C10orf90: variants seen among roughly 807,000 people sequenced by gnomAD.
C10orf90 encodes the protein chromosome 10 open reading frame 90, also known as (E2-independent) E3 ubiquitin-conjugating enzyme FATS.
Under a neutral mutation model 62.5 loss-of-function variants are expected in C10orf90, and 56 were observed. The ratio of observed to expected loss-of-function variants is 0.90; its 90% confidence interval spans 0.72 to 1.12. The LOEUF (loss-of-function observed/expected upper bound fraction) is 1.12. Among genes scored for constraint, C10orf90 ranks in the 50% most tolerant of loss-of-function variants. The pLI, the probability that C10orf90 is intolerant of heterozygous loss-of-function variation, is 0.00. For synonymous variants in C10orf90, 386 were observed against 340.4 expected (o/e 1.13, Z -1.47); for missense variants, 970 against 880.4 (o/e 1.10, Z -1.29).
intron 4 of C10orf90, among the ~76,000 whole-genome samples, chr10:126,495,235 G>C (rs1198330423): frequency 6.6e-6 from 1 of 152,316 alleles, no homozygotes; most frequent in East Asian, 1.9e-4. Context: ...TTGGATGAGT[G>C]TGTTTTGGTT....
chr10:126,660,657 T>C (rs764315184), intron 1 of C10orf90, among the ~76,000 whole-genome samples: 35 of 152,236 alleles, frequency 2.3e-4, no homozygotes, highest in South Asian at 1.0e-3. Flanking sequence ...CCATCTAACC[T>C]ACACCAGGAC....
intron 4 of C10orf90, among the ~76,000 whole-genome samples, chr10:126,498,691 C>T (rs1862214070): frequency 6.6e-6 from 1 of 152,222 alleles, no homozygotes; most frequent in African/African-American, 2.4e-5. Context: ...GCGATCCACC[C>T]TATAGGAATT....
intron 2 of C10orf90, among the ~76,000 whole-genome samples, chr10:126,586,989 C>G (rs117243487): frequency 6.6e-6 from 1 of 152,238 alleles, no homozygotes; most frequent in Admixed American, 6.5e-5. Flanking sequence ...TATGGAAGAG[C>G]GTCAGAACAA....
chr10:126,577,419 A>C (rs1215075754), intron 2 of C10orf90, among the ~76,000 whole-genome samples: 1 of 152,050 alleles, frequency 6.6e-6, no homozygotes. Flanking sequence ...ACAAAAAAAA[A>C]ATCTTATTTT....
intron 2 of C10orf90, among the ~76,000 whole-genome samples, chr10:126,608,209 A>G (rs549345176): frequency 1.3e-5 from 2 of 152,158 alleles, no homozygotes; most frequent in East Asian, 3.9e-4. Context: ...CCTGGGCTCA[A>G]GCGATCCTCC....
chr10:126,642,307 C>A (rs1016956609), intron 2 of C10orf90, among the ~76,000 whole-genome samples: 1 of 152,086 alleles, frequency 6.6e-6, no homozygotes, highest in Non-Finnish European at 1.5e-5. Flanking sequence ...CCAAGGTGGG[C>A]AGATCACGAG....
chr10:126,623,921 T>C (rs1167168836), intron 2 of C10orf90, among the ~76,000 whole-genome samples: 1 of 151,760 alleles, frequency 6.6e-6, no homozygotes, highest in Non-Finnish European at 1.5e-5. Flanking sequence ...TTAGAAACCC[T>C]TAGCTTCTAG....
At position 126,670,290 on chromosome 10, in the gene C10orf90, T is replaced by C. The variant is rs762734983; in HGVS notation, c.191A>G (p.His64Arg). 3.1e-5 allele frequency: 14 copies of C among 456,696 alleles called. No individual in the cohort carries two copies. Among genetic ancestry groups the C allele is most frequent in the South Asian group, 2.0e-4 (13 of 64,572 alleles). The allele number at this position is 456,696 out of a possible 1,614,324, so 28.3% of individuals were successfully genotyped here. Residue 64 changes from histidine (H) to arginine (R), a missense_variant, in exon 1 of 10, where the codon CAT (histidine) becomes CGT (arginine). His to Arg is a conservative substitution (Grantham distance 29). Coordinates refer to ENST00000488181, the MANE Select transcript of C10orf90 (RefSeq NM_001350921.2). ...AGCCGTCTTCAAGCCTTGACACATA[T>C]GGATGATACAAACTTTGGCTCTTCT... ...SQRRAKVCII[H>R]MCQGLKTAEQ... is the part of the protein sequence containing the mutation.
chr10:126,644,010 G>A (rs370250102), intron 2 of C10orf90, among the ~76,000 whole-genome samples: 17 of 152,290 alleles, frequency 1.1e-4, no homozygotes, highest in South Asian at 8.3e-4. Flanking sequence ...GGGTCCTCTG[G>A]GCCCTCTTCT....
At chr10:126,657,946 G>T (rs760415117) in intron 1 of C10orf90, among the ~76,000 whole-genome samples, 1 of 152,108 alleles carries the variant, frequency 6.6e-6, no homozygotes, top group East Asian at 1.9e-4. Context: ...CTTGTGTTTT[G>T]TGGCAGCCAA....
chr10:126,623,369 T>G (rs2133818822), intron 2 of C10orf90, among the ~76,000 whole-genome samples: 1 of 152,272 alleles, frequency 6.6e-6, no homozygotes, highest in South Asian at 2.1e-4. Context: ...CATATCTCAC[T>G]TCCTCCCATT....
Position 126,504,441 on chromosome 10 carries a change from G to A in C10orf90, c.1050C>T (p.His350=), listed in dbSNP as rs1862591583. 1 of 1,614,124 alleles carries A rather than the reference G, an allele frequency of 6.2e-7. No individual in the cohort carries two copies. Among genetic ancestry groups the A allele is most frequent in the Non-Finnish European group, 8.5e-7 (1 of 1,180,054 alleles). The change falls in exon 4 of 10, where the codon CAC becomes CAT. Residue 350 remains histidine, a synonymous_variant. Transcript: ENST00000488181. The surrounding 1 kb of genome is among the most constrained non-coding windows in gnomAD (Gnocchi z 4.1). ...CTGGACACTGCTGAGACACCCTGAG[G>A]TGGACACAGGAACTGAACACCAGCG... ...KSPLVFSSCV[H]LRVSQQCPDS...
At chr10:126,513,451 A>T (rs571622924) in intron 3 of C10orf90, among the ~76,000 whole-genome samples, 59 of 152,248 alleles carry the variant, frequency 3.9e-4, no homozygotes, top group African/African-American at 1.3e-3. Flanking sequence ...TCATTTTATA[A>T]ATATGACCTC....
At chr10:126,478,496 T>C (rs1215788833) in intron 4 of C10orf90, among the ~76,000 whole-genome samples, 2 of 152,226 alleles carry the variant, frequency 1.3e-5, no homozygotes, top group Admixed American at 6.5e-5. Context: ...GACATAGACT[T>C]TGTTCTTTAT....
intron 2 of C10orf90, among the ~76,000 whole-genome samples, chr10:126,530,456 T>A (rs1864063360): frequency 6.6e-6 from 1 of 152,048 alleles, no homozygotes; most frequent in South Asian, 2.1e-4. Context: ...GAATAACTTT[T>A]ATGTGAATAA....
chr10:126,585,535 A>G (rs1844853342), intron 2 of C10orf90, among the ~76,000 whole-genome samples: 1 of 108,124 alleles, frequency 9.2e-6, no homozygotes, highest in Non-Finnish European at 2.0e-5. Flanking sequence ...GAATGAGAGA[A>G]AAAGAGGGAG....
intron 4 of C10orf90, among the ~76,000 whole-genome samples, chr10:126,496,880 G>A (rs1288844153): frequency 6.6e-6 from 1 of 152,202 alleles, no homozygotes. Context: ...GCTCCCTACT[G>A]GGTAAGATGA....
intron 1 of C10orf90, among the ~76,000 whole-genome samples, chr10:126,649,792 G>A (rs1004479578): frequency 6.6e-6 from 1 of 152,164 alleles, no homozygotes; most frequent in Admixed American, 6.5e-5. Flanking sequence ...CACCCAACCA[G>A]GTCTGCCTCC....
chr10:126,623,798 G>A (rs1033705918), intron 2 of C10orf90, among the ~76,000 whole-genome samples: 50 of 142,914 alleles, frequency 3.5e-4, no homozygotes, highest in African/African-American at 1.2e-3. Flanking sequence ...CAGAGATCAC[G>A]CCACTGCATT....
Sources: allele counts gnomAD v4.1 joint callset (sites outside exome capture counted in the v4.1 genomes callset), GRCh38; gene constraint gnomAD v4.1.1; non-coding constraint Gnocchi (gnomAD v3.1); transcripts MANE v1.5; gene names NCBI Gene and HGNC (gene_info 2026-07-23, HGNC 2026-07-21).